PARM1: variants seen among roughly 807,000 people sequenced by gnomAD.
PARM1 encodes the protein prostate androgen-regulated mucin-like protein 1.
A neutral mutation model predicts 24.6 loss-of-function variants in PARM1; 14 were observed. That is an observed-to-expected ratio of 0.57 (90% CI 0.38 to 0.89). The LOEUF is 0.89. Among genes scored for constraint, PARM1 ranks in the 40% least tolerant of loss-of-function variants. The pLI is 0.00. For missense variants in PARM1, 362 were observed against 380.4 expected, an observed-to-expected ratio of 0.95 and a Z score of 0.40; for synonymous variants, 179 against 156.6, an observed-to-expected ratio of 1.14 and a Z score of -1.07.
chr4:74,938,944 T>A (rs1721247274), intron 1 of PARM1, among the ~76,000 whole-genome samples: 1 of 152,222 alleles, frequency 6.6e-6, no homozygotes, highest in Non-Finnish European at 1.5e-5. Context: ...AATTTTCCTT[T>A]GGCTAGTATT....
At chr4:75,024,440 C>T (rs1723146771) in intron 2 of PARM1, among the ~76,000 whole-genome samples, 1 of 152,134 alleles carries the variant, frequency 6.6e-6, no homozygotes, top group African/African-American at 2.4e-5. Context: ...TCTCTGTTCC[C>T]TGCCCATATT....
At chr4:74,994,491 A>G (rs1722537996) in intron 1 of PARM1, among the ~76,000 whole-genome samples, 1 of 152,074 alleles carries the variant, frequency 6.6e-6, no homozygotes, top group South Asian at 2.1e-4. Flanking sequence ...TTTTTAGGCC[A>G]CAAAAGGCTA....
intron 1 of PARM1, among the ~76,000 whole-genome samples, chr4:74,941,975 A>AAC (rs1721318505): frequency 6.6e-6 from 1 of 152,210 alleles, no homozygotes; most frequent in Non-Finnish European, 1.5e-5. Flanking sequence ...ATGGTGTGCT[A>AAC]ACAGAGGCTT....
chr4:75,027,393 A>C (rs973118329), intron 2 of PARM1, among the ~76,000 whole-genome samples: 1 of 152,062 alleles, frequency 6.6e-6, no homozygotes, highest in Non-Finnish European at 1.5e-5. Flanking sequence ...TTCCCCTGGC[A>C]TGGGGTGGAA....
chr4:75,014,560 A>G (rs1722943723), intron 2 of PARM1, among the ~76,000 whole-genome samples: 1 of 152,234 alleles, frequency 6.6e-6, no homozygotes, highest in East Asian at 1.9e-4. Context: ...GAGGGACACA[A>G]CAATCTCAAG....
At chr4:74,951,418 G>A (rs953006899) in intron 1 of PARM1, among the ~76,000 whole-genome samples, 1 of 152,106 alleles carries the variant, frequency 6.6e-6, no homozygotes, top group African/African-American at 2.4e-5. Context: ...TTGCATGCAA[G>A]GGAGGACATG....
chr4:75,008,008 T>C (rs1722804885), intron 1 of PARM1, among the ~76,000 whole-genome samples: 1 of 152,214 alleles, frequency 6.6e-6, no homozygotes, highest in South Asian at 2.1e-4. Flanking sequence ...AGCCACCCAA[T>C]CTGTGGTATT....
At position 75,012,645 on chromosome 4, in the gene PARM1, G is replaced by A; in HGVS notation, c.264G>A (p.Glu88=). 1 of 1,613,968 alleles carries A rather than the reference G, an allele frequency of 6.2e-7. No individual in the cohort carries two copies. Among genetic ancestry groups the A allele is most frequent in the African/African-American group, 1.3e-5 (1 of 75,024 alleles). ...ACATTTCCATAGAGTCCAGAGAAGA[G>A]GAGATCACCAGCCCAGGTTCGAATT... ...PKNISIESRE[E]EITSPGSNWE... Residue 88 remains glutamate, a synonymous_variant, in exon 2 of 4, where the codon GAG becomes GAA. Coordinates refer to ENST00000307428, the MANE Select transcript of PARM1 (RefSeq NM_015393.4).
At chr4:74,939,526 A>G (rs1721260013) in intron 1 of PARM1, among the ~76,000 whole-genome samples, 1 of 152,016 alleles carries the variant, frequency 6.6e-6, no homozygotes. Flanking sequence ...TTTTTTTTTA[A>G]AAGAAAGTTA....
intron 2 of PARM1, among the ~76,000 whole-genome samples, chr4:75,023,129 T>C (rs1723119959): frequency 6.6e-6 from 1 of 152,114 alleles, no homozygotes; most frequent in South Asian, 2.1e-4. Context: ...TCAAAAACAC[T>C]TTGCCATATT....
intron 1 of PARM1, among the ~76,000 whole-genome samples, chr4:74,953,392 G>A (rs1721567783): frequency 6.6e-6 from 1 of 152,172 alleles, no homozygotes; most frequent in African/African-American, 2.4e-5. Flanking sequence ...TGCAAACAAA[G>A]CTCCTTGATG....
chr4:74,998,882 C>T (rs945036722), intron 1 of PARM1, among the ~76,000 whole-genome samples: 5 of 152,182 alleles, frequency 3.3e-5, no homozygotes, highest in Admixed American at 6.5e-5. Context: ...AAATAAAACC[C>T]GAAGGCTCTC....
intron 1 of PARM1, among the ~76,000 whole-genome samples, chr4:74,987,577 T>C (rs1355983901): frequency 3.3e-5 from 5 of 152,226 alleles, no homozygotes; most frequent in Non-Finnish European, 1.5e-5. Flanking sequence ...ATTTTGTATA[T>C]TAAAAATTAA....
chr4:75,037,690 G>A (rs895398348), intron 3 of PARM1, among the ~76,000 whole-genome samples: 1 of 152,164 alleles, frequency 6.6e-6, no homozygotes, highest in African/African-American at 2.4e-5. Flanking sequence ...GCAGTGTGGT[G>A]TGGAGGGAAG....
intron 2 of PARM1, among the ~76,000 whole-genome samples, chr4:75,015,006 A>T: frequency 6.6e-6 from 1 of 151,954 alleles, no homozygotes. Context: ...CAGTGACCAC[A>T]TTTTTTTTCT....
Position 75,009,379 on chromosome 4 carries a change from G to A in PARM1, c.44-3046G>A, listed in dbSNP as rs188522377. On this transcript the variant is annotated intron_variant, in intron 1 of 3. Coordinates refer to ENST00000307428, the MANE Select transcript of PARM1 (RefSeq NM_015393.4). ...CTAGTACCTGAATGTTTCCCTTTTGGTCTTTTCTCCCTTCCTCTGACTGGC... is the reference window on the plus strand; with the variant it reads ...CTAGTACCTGAATGTTTCCCTTTTGATCTTTTCTCCCTTCCTCTGACTGGC... Among the ~76,000 whole-genome samples, 506 of 152,278 alleles carry A rather than the reference G, an allele frequency of 3.3e-3. 6 individuals carry two copies. Among genetic ancestry groups the A allele is most frequent in the African/African-American group, 0.011 (471 of 41,558 alleles).
intron 2 of PARM1, among the ~76,000 whole-genome samples, chr4:75,030,558 C>T (rs1723255190): frequency 6.6e-6 from 1 of 152,186 alleles, no homozygotes; most frequent in African/African-American, 2.4e-5. Context: ...GTTCACAGGC[C>T]TTCACCAGCC....
At chr4:75,044,399 T>C (rs1723556688) in intron 3 of PARM1, among the ~76,000 whole-genome samples, 3 of 152,234 alleles carry the variant, frequency 2.0e-5, no homozygotes, top group African/African-American at 7.2e-5. Flanking sequence ...TCCCGTCTTA[T>C]GAACAGATCA....
chr4:74,954,937 T>G (rs1216798234), intron 1 of PARM1, among the ~76,000 whole-genome samples: 2 of 152,208 alleles, frequency 1.3e-5, no homozygotes, highest in African/African-American at 4.8e-5. Context: ...GAAACCTGAT[T>G]AACAGATCAT....
Sources: gnomAD v4.1 joint callset for allele counts (sites outside exome capture counted in the v4.1 genomes callset) on GRCh38, gnomAD v4.1.1 for gene constraint, MANE v1.5 for transcripts, NCBI Gene and HGNC (gene_info 2026-07-23, HGNC 2026-07-21) for gene names.